The following RIMS1 variants were observed in gnomAD, a reference collection of about 807,000 sequenced individuals.
RIMS1 encodes regulating synaptic membrane exocytosis protein 1.
Under a neutral mutation model 214.1 loss-of-function variants are expected in RIMS1, and 83 were observed. The observed-to-expected ratio is 0.39, with a 90% CI of 0.32 to 0.47. The LOEUF is 0.47. Ranked by LOEUF, RIMS1 falls within the 20% of genes least tolerant of loss-of-function variation. The probability of loss-of-function intolerance (pLI) is 0.99; values close to 1 mark genes in which losing one functional copy is unlikely to be tolerated. For synonymous variants in RIMS1, 793 were observed against 786.8 expected, an observed-to-expected ratio of 1.01 and a Z score of -0.13; for missense variants, 2,050 against 2,161.8, an observed-to-expected ratio of 0.95 and a Z score of 1.03.
intron 26 of RIMS1, among the ~76,000 whole-genome samples, chr6:72,306,117 A>G (rs769817419): frequency 7.8e-4 from 119 of 152,256 alleles, no homozygotes; most frequent in Non-Finnish European, 1.5e-3. Context: ...AACTCCTTGT[A>G]AGAGATAAAA....
At chr6:72,011,156 GC>G (rs964514046) in intron 2 of RIMS1, among the ~76,000 whole-genome samples, 1 of 152,134 alleles carries the variant, frequency 6.6e-6, no homozygotes, top group Non-Finnish European at 1.5e-5. Flanking sequence ...ATAGAACAGA[GC>G]CCTCAGGAAT....
chr6:72,224,494 T>G (rs1000171735), intron 6 of RIMS1, among the ~76,000 whole-genome samples: 3 of 152,190 alleles, frequency 2.0e-5, no homozygotes, highest in Non-Finnish European at 2.9e-5. Flanking sequence ...TGTTGAACAA[T>G]TTTAGTCTAG....
At chr6:71,976,722 T>C (rs1171070473) in intron 2 of RIMS1, among the ~76,000 whole-genome samples, 3 of 152,160 alleles carry the variant, frequency 2.0e-5, no homozygotes, top group Admixed American at 6.6e-5. Flanking sequence ...TTTATACTTT[T>C]AGATCTTACA....
rs1562294267 is a variant in RIMS1 at position 72,093,210 on chromosome 6, G to GTGTATATATATATA, written c.246-3738_246-3737insGTATATATATATAT. Reference sequence around the variant, plus strand: ...ATATGTATTAAGCATATGTATGTGAGTATATATATATATATATAAAAACAT... The same window carrying GTGTATATATATATA: ...ATATGTATTAAGCATATGTATGTGAGTGTATATATATATATATATATATATATATATAAAAACAT... On this transcript the variant is annotated intron_variant, in intron 2 of 33. Transcript: ENST00000521978. Among the ~76,000 whole-genome samples the GTGTATATATATATA allele has an allele frequency of 5.3e-5, 3 of 56,496 alleles. No homozygotes were observed. In the South Asian group the frequency reaches 2.3e-3, roughly 44 times the overall value. The allele number at this position is 56,496 out of a possible 152,430, so 37.1% of individuals were successfully genotyped here.
chr6:72,195,876 A>G (rs754108078), intron 6 of RIMS1, among the ~76,000 whole-genome samples: 7 of 152,088 alleles, frequency 4.6e-5, no homozygotes, highest in African/African-American at 9.7e-5. Flanking sequence ...ATGGAAGGGG[A>G]AGAGGCACGT....
chr6:72,118,207 C>G (rs1174183313), intron 4 of RIMS1, among the ~76,000 whole-genome samples: 1 of 151,094 alleles, frequency 6.6e-6, no homozygotes, highest in Non-Finnish European at 1.5e-5. Context: ...ATATACAATA[C>G]TTCTAGATTA....
intron 29 of RIMS1, among the ~76,000 whole-genome samples, chr6:72,378,874 G>A (rs2098438877): frequency 1.3e-5 from 2 of 152,148 alleles, no homozygotes; most frequent in African/African-American, 4.8e-5. Context: ...GGACACCTCT[G>A]TTTATTGTAC....
intron 6 of RIMS1, among the ~76,000 whole-genome samples, chr6:72,186,779 A>ACCCCC (rs11382729): frequency 6.1e-5 from 9 of 148,318 alleles, no homozygotes; most frequent in African/African-American, 2.2e-4. Context: ...GTATATATGT[A>ACCCCC]CCCCCCCCCA....
intron 6 of RIMS1, among the ~76,000 whole-genome samples, chr6:72,225,873 T>C (rs1036572947): frequency 5.9e-5 from 9 of 152,210 alleles, no homozygotes; most frequent in African/African-American, 2.2e-4. Context: ...ATCCAGGTTA[T>C]CTTACTATTC....
chr6:72,143,469 G>A (rs1562415405), intron 4 of RIMS1, among the ~76,000 whole-genome samples: 1 of 152,092 alleles, frequency 6.6e-6, no homozygotes, highest in East Asian at 1.9e-4. Context: ...TTGGTATTTG[G>A]GAAAAAATGG....
At chr6:71,955,252 T>A (rs1470656333) in intron 1 of RIMS1, among the ~76,000 whole-genome samples, 1 of 152,002 alleles carries the variant, frequency 6.6e-6, no homozygotes, top group Non-Finnish European at 1.5e-5. Flanking sequence ...CTGCAACCTC[T>A]GCCTCCCAGG....
At chr6:71,982,692 C>T (rs1375170263) in intron 2 of RIMS1, among the ~76,000 whole-genome samples, 3 of 152,166 alleles carry the variant, frequency 2.0e-5, no homozygotes, top group African/African-American at 7.2e-5. Context: ...AATCGTCTCA[C>T]ATCTGTTCCT....
chr6:72,161,373 G>T (rs1319340156), intron 4 of RIMS1, among the ~76,000 whole-genome samples: 1 of 139,660 alleles, frequency 7.2e-6, no homozygotes, highest in Non-Finnish European at 1.6e-5. Context: ...AGGGCTTTTT[G>T]TGTCTCTGTG....
intron 4 of RIMS1, chr6:72,126,758 AGTT>A: frequency 4.6e-6 from 1 of 219,674 alleles, no homozygotes; most frequent in South Asian, 5.8e-5. Flanking sequence ...GTAATTAAAA[AGTT>A]AAAAAAAAAA....
intron 2 of RIMS1, among the ~76,000 whole-genome samples, chr6:72,074,848 A>C (rs1831412741): frequency 6.6e-6 from 1 of 152,222 alleles, no homozygotes; most frequent in Admixed American, 6.5e-5. Flanking sequence ...TAATTAACAT[A>C]AGCAAATATC....
In RIMS1 at chr6:72,284,099, A is replaced by C. The variant is rs760902316; in HGVS notation, c.3535A>C (p.Thr1179Pro). Reference sequence around the variant, plus strand: ...CATCCAAAAACAGACTAGGAAAGGCACTGCCTCTGATGCAGAAAGGTAGGC... The same window carrying C: ...CATCCAAAAACAGACTAGGAAAGGCCCTGCCTCTGATGCAGAAAGGTAGGC... ...SSIQKQTRKG[T>P]ASDAERVLPT... Residue 1179 changes from threonine to proline, a missense_variant, in exon 24 of 34, where the codon ACT (threonine) becomes CCT (proline). Transcript: ENST00000521978. 4 of 1,613,166 alleles carry C rather than the reference A, an allele frequency of 2.5e-6. No homozygotes were observed. The South Asian group carries it at 3.3e-5, about 13-fold the overall frequency.
intron 2 of RIMS1, among the ~76,000 whole-genome samples, chr6:72,053,236 A>G (rs1206686855): frequency 6.6e-6 from 1 of 152,172 alleles, no homozygotes; most frequent in Non-Finnish European, 1.5e-5. Context: ...TGGCTCATAC[A>G]TACATTCTGG....
At chr6:72,335,746 CTT>C (rs2096822412) in intron 29 of RIMS1, among the ~76,000 whole-genome samples, 1 of 151,948 alleles carries the variant, frequency 6.6e-6, no homozygotes, top group African/African-American at 2.4e-5. Context: ...TGTTTCCTGA[CTT>C]TATAATGATT....
At chr6:72,023,359 C>G (rs1253671247) in intron 2 of RIMS1, among the ~76,000 whole-genome samples, 1 of 152,036 alleles carries the variant, frequency 6.6e-6, no homozygotes, top group Non-Finnish European at 1.5e-5. Context: ...TTTTAACACA[C>G]TTGATAGTTT....
Sources: gnomAD v4.1 joint callset for allele counts (sites outside exome capture counted in the v4.1 genomes callset) on GRCh38, gnomAD v4.1.1 for gene constraint, MANE v1.5 for transcripts, NCBI Gene and HGNC (gene_info 2026-07-23, HGNC 2026-07-21) for gene names.